Variants in FBXO8 observed in about 807,000 individuals in gnomAD.
The protein encoded by FBXO8 is F-box only protein 8.
A neutral mutation model predicts 33.4 loss-of-function variants in FBXO8; 15 were observed. That is an observed-to-expected ratio of 0.45 (90% CI 0.30 to 0.69). The LOEUF (loss-of-function observed/expected upper bound fraction) is 0.69, where lower values mean the gene tolerates loss of function less well. FBXO8 is among the 30% of genes least tolerant of loss of function. FBXO8 has a pLI of 0.08. For missense variants in FBXO8, 274 were observed against 380.3 expected (o/e 0.72, Z 2.32); for synonymous variants, 132 against 131.5 (o/e 1.00, Z -0.02).
chr4:174,245,855 G>GT lies in FBXO8; in HGVS notation c.457-4638_457-4637insA, dbSNP rs1736146631. On this transcript the variant is annotated intron_variant, in intron 3 of 5. Transcript: ENST00000393674. The surrounding 1 kb of genome is among the most constrained non-coding windows in gnomAD (Gnocchi z 4.6). ...TGACAGTGAAAAGTGAAAGACAGCTGATGGTTCTGGCTTAGATGAAGAGGG... is the reference window on the plus strand; with the variant it reads ...TGACAGTGAAAAGTGAAAGACAGCTGTATGGTTCTGGCTTAGATGAAGAGGG... Among the ~76,000 whole-genome samples, 1 of 151,890 alleles carries GT rather than the reference G, an allele frequency of 6.6e-6. No individual in the cohort carries two copies. Among genetic ancestry groups the GT allele is most frequent in the East Asian group, 1.9e-4 (1 of 5,190 alleles).
chr4:174,258,718 T>C (rs1035172856), intron 3 of FBXO8, among the ~76,000 whole-genome samples: 3 of 151,996 alleles, frequency 2.0e-5, no homozygotes, highest in Non-Finnish European at 4.4e-5. Flanking sequence ...ATCAATTGAT[T>C]AGAAAAAGAT....
In FBXO8 at chr4:174,259,513, G is replaced by A. The variant is rs374233719; in HGVS notation, c.456+186C>T. ...AGTGAACAGGTAGAAAGGTTAGAAC[G>A]TGACATGGTAAGGCGAAGAAAAATG... On this transcript the variant is annotated intron_variant, in intron 3 of 5. Coordinates refer to ENST00000393674, the MANE Select transcript of FBXO8 (RefSeq NM_012180.3). This position sits in a 1 kb window ranked among gnomAD's most constrained non-coding sequence, Gnocchi z 4.3. 6.6e-6 allele frequency among the ~76,000 whole-genome samples: 1 copy of A among 152,040 alleles called. No homozygotes were observed. Among genetic ancestry groups the A allele is most frequent in the Non-Finnish European group, 1.5e-5 (1 of 67,942 alleles).
Position 174,251,038 on chromosome 4 carries a change from T to C in FBXO8, c.456+8661A>G, listed in dbSNP as rs912044191. ...ATTAAAATGCACTTAAAAAGCTCAA[T>C]GTACCACTGTAAAGTCTCTAGTTAC... On this transcript the variant is annotated intron_variant, in intron 3 of 5. Coordinates refer to ENST00000393674, the MANE Select transcript of FBXO8 (RefSeq NM_012180.3). This position sits in a 1 kb window ranked among gnomAD's most constrained non-coding sequence, Gnocchi z 4.2. Among the ~76,000 whole-genome samples the C allele has an allele frequency of 2.0e-5, 3 of 152,114 alleles. No individual in the cohort carries two copies. Among genetic ancestry groups the C allele is most frequent in the Admixed American group, 6.6e-5 (1 of 15,254 alleles).
intron 1 of FBXO8, among the ~76,000 whole-genome samples, chr4:174,266,347 C>T (rs903672949): frequency 3.9e-5 from 6 of 152,132 alleles, no homozygotes; most frequent in Non-Finnish European, 8.8e-5. Flanking sequence ...TTTCTGTATT[C>T]CTACTGCTAA....
In FBXO8 at chr4:174,255,510, A is replaced by C. The variant is rs1736394757; in HGVS notation, c.456+4189T>G. On this transcript the variant is annotated intron_variant, in intron 3 of 5. Transcript: ENST00000393674. The surrounding 1 kb of genome is among the most constrained non-coding windows in gnomAD (Gnocchi z 4.3). ...CAAATTTAAAATATTTTTATAATAG[A>C]TTATTTAGTAAAATGTATAAAATTA... Among the ~76,000 whole-genome samples, 1 of 152,034 alleles carries C rather than the reference A, an allele frequency of 6.6e-6. No individual in the cohort carries two copies. The highest frequency in any genetic ancestry group is 2.4e-5 in the African/African-American group (1 of 41,454).
In FBXO8 at chr4:174,255,684, A is replaced by G. The variant is rs1403942765; in HGVS notation, c.456+4015T>C. Among the ~76,000 whole-genome samples, 1 of 152,152 alleles carries G rather than the reference A, an allele frequency of 6.6e-6. No individual in the cohort carries two copies. The highest frequency in any genetic ancestry group is 1.5e-5 in the Non-Finnish European group (1 of 68,016). ...ACACAAACAAAAATAAGCCTATATT[A>G]AAGTTAAACCATGTTCACTACCAAT... On this transcript the variant is annotated intron_variant, in intron 3 of 5. Coordinates refer to ENST00000393674, the MANE Select transcript of FBXO8 (RefSeq NM_012180.3). The surrounding 1 kb of genome is among the most constrained non-coding windows in gnomAD (Gnocchi z 4.3).
chr4:174,264,102 G>A (rs762553738), intron 1 of FBXO8, among the ~76,000 whole-genome samples: 6 of 152,186 alleles, frequency 3.9e-5, no homozygotes, highest in South Asian at 2.1e-4. Context: ...ACTAATACCT[G>A]TGTGTTTCAA....
Position 174,245,935 on chromosome 4 carries a change from A to C in FBXO8, c.457-4717T>G, listed in dbSNP as rs1033726501. Among the ~76,000 whole-genome samples, 1 of 151,962 alleles carries C rather than the reference A, an allele frequency of 6.6e-6. No individual in the cohort carries two copies. Among genetic ancestry groups the C allele is most frequent in the Non-Finnish European group, 1.5e-5 (1 of 67,952 alleles). ...TCAAAAAAAGTCAAAGAGGGTGTTGATTTGAAGAAAACAGTGATGAGTTAG... is the reference window on the plus strand; with the variant it reads ...TCAAAAAAAGTCAAAGAGGGTGTTGCTTTGAAGAAAACAGTGATGAGTTAG... On this transcript the variant is annotated intron_variant, in intron 3 of 5. Transcript: ENST00000393674. This position sits in a 1 kb window ranked among gnomAD's most constrained non-coding sequence, Gnocchi z 4.6.
Position 174,251,719 on chromosome 4 carries a change from C to T in FBXO8, c.456+7980G>A, listed in dbSNP as rs78280818. ...TAGTCGCTTGAAGGTATTAAGTTGT[C>T]TAGGCAGAGGAAGAGGCTATTTAGT... On this transcript the variant is annotated intron_variant, in intron 3 of 5. Coordinates refer to ENST00000393674, the MANE Select transcript of FBXO8 (RefSeq NM_012180.3). The surrounding 1 kb of genome is among the most constrained non-coding windows in gnomAD (Gnocchi z 4.2). Among the ~76,000 whole-genome samples, 3,379 of 152,228 alleles carry T rather than the reference C, an allele frequency of 0.022. 128 individuals carry two copies. The highest frequency in any genetic ancestry group is 0.075 in the African/African-American group (3,130 of 41,536).
chr4:174,256,608 G>GA lies in FBXO8; in HGVS notation c.456+3090dup, dbSNP rs1329805613. 2.0e-5 allele frequency among the ~76,000 whole-genome samples: 3 copies of GA among 152,142 alleles called. No individual in the cohort carries two copies. The highest frequency in any genetic ancestry group is 4.4e-5 in the Non-Finnish European group (3 of 68,008). ...ACATTATTTATGTTAGTCAATGAAA[G>GA]AAAGTACAGAATATAGTCACTGAAC... On this transcript the variant is annotated intron_variant, in intron 3 of 5. Transcript: ENST00000393674. The surrounding 1 kb of genome is among the most constrained non-coding windows in gnomAD (Gnocchi z 4.6).
At chr4:174,269,206 G>A (rs1736772965) in intron 1 of FBXO8, 1 of 151,802 alleles carries the variant, frequency 6.6e-6, no homozygotes, top group African/African-American at 2.4e-5. Context: ...TTTATCATCT[G>A]ACAGAAGTAA....
chr4:174,252,464 T>C lies in FBXO8; in HGVS notation c.456+7235A>G, dbSNP rs1246120667. ...TATAACAAGAAGTTCCAAACTAATA[T>C]GGCTCCAGGTTGTTGGGCTCACAGA... On this transcript the variant is annotated intron_variant, in intron 3 of 5. Coordinates refer to ENST00000393674, the MANE Select transcript of FBXO8 (RefSeq NM_012180.3). The surrounding 1 kb of genome is among the most constrained non-coding windows in gnomAD (Gnocchi z 5.1). 6.6e-6 allele frequency among the ~76,000 whole-genome samples: 1 copy of C among 152,188 alleles called. No homozygotes were observed. The highest frequency in any genetic ancestry group is 2.4e-5 in the African/African-American group (1 of 41,450).
intron 4 of FBXO8, among the ~76,000 whole-genome samples, chr4:174,239,835 T>TAA: frequency 4.0e-5 from 6 of 151,730 alleles, no homozygotes; most frequent in African/African-American, 1.2e-4. Flanking sequence ...TCTAATTTTT[T>TAA]AAAAAAATCA....
chr4:174,238,305 T>C (rs898227100), intron 5 of FBXO8, among the ~76,000 whole-genome samples: 20 of 151,944 alleles, frequency 1.3e-4, no homozygotes, highest in Non-Finnish European at 2.5e-4. Context: ...GTCATAATAG[T>C]TCTACTACTA....
rs1290389816 is a variant in FBXO8, at chr4:174,261,687, ATTT to A, written c.329+1074_329+1076del. 2.0e-5 allele frequency among the ~76,000 whole-genome samples: 3 copies of A among 151,976 alleles called. No individual in the cohort carries two copies. Among genetic ancestry groups the A allele is most frequent in the African/African-American group, 7.2e-5 (3 of 41,438 alleles). ...AGAATAACAAGATATGATATTGATG[ATTT>A]TTATCTATTTAGAGGTTGAGAAATG... On this transcript the variant is annotated intron_variant, in intron 2 of 5. Transcript: ENST00000393674. This position sits in a 1 kb window ranked among gnomAD's most constrained non-coding sequence, Gnocchi z 4.1.
rs1039245170 is a variant in FBXO8 at position 174,263,187 on chromosome 4, T to A, written c.-8-87A>T. 3 of 1,168,660 alleles carry A rather than the reference T, an allele frequency of 2.6e-6. No homozygotes were observed. The African/African-American group carries it at 4.6e-5, about 18-fold the overall frequency. The allele number at this position is 1,168,660 out of a possible 1,614,324, so 72.4% of individuals were successfully genotyped here. A position where few individuals can be genotyped will look rare whatever the true frequency, so the allele number is the denominator to read the frequency against. On this transcript the variant is annotated intron_variant, in intron 1 of 5. Coordinates refer to ENST00000393674, the MANE Select transcript of FBXO8 (RefSeq NM_012180.3). The surrounding 1 kb of genome is among the most constrained non-coding windows in gnomAD (Gnocchi z 4.2). ...GTATAACAAATCTGACATGAAGCATTCATTTATCAGAATTAAAACTTCTCA... is the reference window on the plus strand; with the variant it reads ...GTATAACAAATCTGACATGAAGCATACATTTATCAGAATTAAAACTTCTCA...
chr4:174,268,643 A>G (rs538982843), intron 1 of FBXO8, among the ~76,000 whole-genome samples: 134 of 152,186 alleles, frequency 8.8e-4, no homozygotes, highest in Middle Eastern at 3.4e-3. Flanking sequence ...TCACCGTGTT[A>G]GCCAGGATGG....
chr4:174,276,705 T>C (rs1711288783), intron 1 of FBXO8, among the ~76,000 whole-genome samples: 2 of 152,176 alleles, frequency 1.3e-5, no homozygotes, highest in South Asian at 4.1e-4. Context: ...AATTTCAGCA[T>C]AAATAAATAA....
In FBXO8 at chr4:174,251,210, C is replaced by T. The variant is rs1736278337; in HGVS notation, c.456+8489G>A. Among the ~76,000 whole-genome samples, 1 of 152,110 alleles carries T rather than the reference C, an allele frequency of 6.6e-6. No homozygotes were observed. Among genetic ancestry groups the T allele is most frequent in the Admixed American group, 6.6e-5 (1 of 15,252 alleles). ...CAGTTTTTACCCTAGACAATTCACA[C>T]TCAATGATACAGCAAATTAGTAGTT... On this transcript the variant is annotated intron_variant, in intron 3 of 5. Transcript: ENST00000393674. The surrounding 1 kb of genome is among the most constrained non-coding windows in gnomAD (Gnocchi z 4.2).
Sources: gnomAD v4.1 joint callset for allele counts (sites outside exome capture counted in the v4.1 genomes callset) on GRCh38, gnomAD v4.1.1 for gene constraint, Gnocchi (gnomAD v3.1) non-coding constraint, MANE v1.5 for transcripts, NCBI Gene and HGNC (gene_info 2026-07-23, HGNC 2026-07-21) for gene names.